TSNARE1: variants seen among roughly 807,000 people sequenced by gnomAD.
TSNARE1 encodes t-SNARE domain containing 1, also known as t-SNARE domain-containing protein 1.
Under a neutral mutation model 62.0 loss-of-function variants are expected in TSNARE1, and 49 were observed. The observed-to-expected ratio is 0.79, with a 90% CI of 0.63 to 1.00. The LOEUF (loss-of-function observed/expected upper bound fraction) is 1.00. Ranked by LOEUF, TSNARE1 falls within the 50% of genes least tolerant of loss-of-function variation. The probability of loss-of-function intolerance (pLI) is 0.00; values close to 1 mark genes in which losing one functional copy is unlikely to be tolerated. For synonymous variants in TSNARE1, 328 were observed against 294.4 expected, an observed-to-expected ratio of 1.11 and a Z score of -1.17; for missense variants, 755 against 700.1, an observed-to-expected ratio of 1.08 and a Z score of -0.88.
chr8:142,391,416 T>C (rs909236760), intron 1 of TSNARE1, among the ~76,000 whole-genome samples: 6 of 150,824 alleles, frequency 4.0e-5, no homozygotes, highest in Non-Finnish European at 8.8e-5. Context: ...GGGGACTCTG[T>C]AACAGACGCT....
chr8:142,285,974 G>A (rs977951782), intron 10 of TSNARE1, among the ~76,000 whole-genome samples: 2 of 152,182 alleles, frequency 1.3e-5, no homozygotes, highest in African/African-American at 4.8e-5. Context: ...GCAGGGATTG[G>A]GGGCTCAAGT....
chr8:142,313,298 GTGTT>G (rs1307212317), intron 9 of TSNARE1, among the ~76,000 whole-genome samples: 1 of 151,972 alleles, frequency 6.6e-6, no homozygotes, highest in Non-Finnish European at 1.5e-5. Context: ...GCATGTGTCT[GTGTT>G]TATCTGTGTC....
intron 9 of TSNARE1, among the ~76,000 whole-genome samples, chr8:142,304,050 C>T (rs1372920713): frequency 2.0e-5 from 3 of 152,244 alleles, no homozygotes; most frequent in African/African-American, 7.2e-5. Context: ...CCAGCTTCTT[C>T]CTACACACCA....
intron 10 of TSNARE1, among the ~76,000 whole-genome samples, chr8:142,288,175 G>T (rs767613973): frequency 1.3e-5 from 2 of 152,220 alleles, no homozygotes; most frequent in South Asian, 4.1e-4. Context: ...GAGCAAGGCC[G>T]GGTCCAGTGC....
At chr8:142,298,354 C>T (rs1406536600) in intron 10 of TSNARE1, among the ~76,000 whole-genome samples, 1 of 152,222 alleles carries the variant, frequency 6.6e-6, no homozygotes, top group East Asian at 1.9e-4. Context: ...CACAGAGGAT[C>T]GCGGACGGGG....
intron 1 of TSNARE1, among the ~76,000 whole-genome samples, chr8:142,393,239 CCACA>C (rs1390337091): frequency 6.6e-6 from 1 of 152,226 alleles, no homozygotes; most frequent in African/African-American, 2.4e-5. Flanking sequence ...CAATCCCCGG[CCACA>C]CACTGCAAGA....
intron 10 of TSNARE1, among the ~76,000 whole-genome samples, chr8:142,293,706 G>C (rs574384401): frequency 2.4e-4 from 36 of 152,336 alleles, no homozygotes; most frequent in African/African-American, 7.7e-4. Flanking sequence ...CTGCCAGACA[G>C]CTCTGGCCAC....
chr8:142,241,479 A>C (rs933090441), intron 12 of TSNARE1, among the ~76,000 whole-genome samples: 1 of 152,234 alleles, frequency 6.6e-6, no homozygotes, highest in Non-Finnish European at 1.5e-5. Flanking sequence ...CAAAATTCCA[A>C]CATTTTTTCA....
intron 11 of TSNARE1, chr8:142,277,760 G>A (rs188893906): frequency 5.7e-5 from 56 of 985,416 alleles, no homozygotes; most frequent in Middle Eastern, 5.2e-4. Flanking sequence ...GATCCACCAG[G>A]GGTCACAGAA....
chr8:142,404,653 G>A (rs76048519), upstream of TSNARE1: 3,540 of 152,390 alleles, frequency 0.023, 48 homozygotes, highest in East Asian at 0.047. Context: ...CTTCGGCTAG[G>A]ACAGCTAGAG....
chr8:142,329,560 G>A (rs1830719274), intron 6 of TSNARE1, among the ~76,000 whole-genome samples: 1 of 152,186 alleles, frequency 6.6e-6, no homozygotes, highest in South Asian at 2.1e-4. Context: ...GAGAGCCACA[G>A]ACCCGGCCCA....
At chr8:142,220,354 A>G (rs1188844147) in intron 13 of TSNARE1, among the ~76,000 whole-genome samples, 2 of 152,214 alleles carry the variant, frequency 1.3e-5, no homozygotes, top group East Asian at 3.9e-4. Context: ...CTCTGCCTCC[A>G]GCCCACTTGC....
At chr8:142,402,545 T>C (rs933229627) in intron 1 of TSNARE1, among the ~76,000 whole-genome samples, 2 of 152,204 alleles carry the variant, frequency 1.3e-5, no homozygotes, top group Admixed American at 1.3e-4. Flanking sequence ...TGAAAGTCCC[T>C]GGTGGGGATG....
intron 1 of TSNARE1, among the ~76,000 whole-genome samples, chr8:142,399,733 G>A (rs927007160): frequency 6.6e-6 from 1 of 152,224 alleles, no homozygotes; most frequent in African/African-American, 2.4e-5. Flanking sequence ...AGAGGAATCT[G>A]AGAGGAGGGC....
intron 6 of TSNARE1, among the ~76,000 whole-genome samples, chr8:142,328,821 G>GC (rs1830614514): frequency 1.7e-5 from 2 of 120,622 alleles, no homozygotes; most frequent in African/African-American, 6.4e-5. Context: ...AGGCCTTTGG[G>GC]GGGGGGGAGG....
chr8:142,236,856 C>A (rs1015772906), intron 12 of TSNARE1, among the ~76,000 whole-genome samples: 2 of 152,152 alleles, frequency 1.3e-5, no homozygotes, highest in Non-Finnish European at 2.9e-5. Flanking sequence ...AAACAAAGAC[C>A]CCGCCCTGGC....
intron 11 of TSNARE1, chr8:142,276,418 C>G: frequency 1.0e-6 from 1 of 985,502 alleles, no homozygotes; most frequent in Non-Finnish European, 1.2e-6. Flanking sequence ...GGAGGAGGCG[C>G]TAGCCTGGGC....
chr8:142,287,328 C>T (rs1483261801), intron 10 of TSNARE1, among the ~76,000 whole-genome samples: 1 of 126,376 alleles, frequency 7.9e-6, no homozygotes. Context: ...GACAGTGGGC[C>T]GCCCTCCAGG....
chr8:142,378,147 C>T (rs886977936), intron 1 of TSNARE1, among the ~76,000 whole-genome samples: 1 of 152,226 alleles, frequency 6.6e-6, no homozygotes, highest in Non-Finnish European at 1.5e-5. Flanking sequence ...AGCCTTGTGC[C>T]GATTGCCCCA....
Sources: allele counts gnomAD v4.1 joint callset (sites outside exome capture counted in the v4.1 genomes callset), GRCh38; gene constraint gnomAD v4.1.1; transcripts MANE v1.5; gene names NCBI Gene and HGNC (gene_info 2026-07-23, HGNC 2026-07-21).